The following ANO10 variants were observed in gnomAD, a reference collection of about 807,000 sequenced individuals.
ANO10 encodes anoctamin 10, also known as anoctamin-10.
Under a neutral mutation model 74.7 loss-of-function variants are expected in ANO10, and 77 were observed. That is an observed-to-expected ratio of 1.03 (90% CI 0.86 to 1.25). The LOEUF is 1.25. ANO10 is among the 50% of genes most tolerant of loss of function. The pLI is 0.00. For missense variants in ANO10, 721 were observed against 778.1 expected, an observed-to-expected ratio of 0.93 and a Z score of 0.87; for synonymous variants, 279 against 284.9, an observed-to-expected ratio of 0.98 and a Z score of 0.21.
At chr3:43,422,351 G>A (rs1010648796) in intron 12 of ANO10, among the ~76,000 whole-genome samples, 1 of 152,178 alleles carries the variant, frequency 6.6e-6, no homozygotes, top group Non-Finnish European at 1.5e-5. Context: ...TCCTGACCTT[G>A]TGGTCCGCCT....
At position 43,426,667 on chromosome 3, in the gene ANO10, T is replaced by C. The variant is rs555836343; in HGVS notation, c.1914+5944A>G. Among the ~76,000 whole-genome samples the C allele has an allele frequency of 9.8e-5, 15 of 152,288 alleles. No individual in the cohort carries two copies. The South Asian group carries it at 3.1e-3, about 32-fold the overall frequency. Reference sequence around the variant, plus strand: ...TTATCAAATGGTTCCTGCATTAGAATCCTTTCTATTTTTAATTGGATCTTA... The same window carrying C: ...TTATCAAATGGTTCCTGCATTAGAACCCTTTCTATTTTTAATTGGATCTTA... On this transcript the variant is annotated intron_variant, in intron 12 of 12. Transcript: ENST00000292246.
chr3:43,608,957 A>G (rs2082686574), intron 1 of ANO10, among the ~76,000 whole-genome samples: 2 of 152,142 alleles, frequency 1.3e-5, no homozygotes, highest in African/African-American at 4.8e-5. Flanking sequence ...TAGTGAACAG[A>G]CAGCTTTTGT....
intron 11 of ANO10, among the ~76,000 whole-genome samples, chr3:43,549,468 T>C (rs2079354708): frequency 6.6e-6 from 1 of 152,162 alleles, no homozygotes; most frequent in African/African-American, 2.4e-5. Flanking sequence ...TACTTAGCAC[T>C]GGGCAGGCCA....
intron 11 of ANO10, among the ~76,000 whole-genome samples, chr3:43,507,327 G>T (rs2077332907): frequency 6.6e-6 from 1 of 152,038 alleles, no homozygotes. Flanking sequence ...CTTCTTTACA[G>T]GAGGGAATAA....
intron 11 of ANO10, among the ~76,000 whole-genome samples, chr3:43,499,935 G>A (rs373547431): frequency 2.7e-4 from 41 of 151,864 alleles, no homozygotes; most frequent in Admixed American, 6.6e-4. Flanking sequence ...GGGTTCAAGC[G>A]ATTCTCCTGT....
At position 43,466,369 on chromosome 3, in the gene ANO10, C is replaced by CAAAA. The variant is rs36126977; in HGVS notation, c.1798-33646_1798-33643dup. Among the ~76,000 whole-genome samples, 421 of 45,010 alleles carry CAAAA rather than the reference C, an allele frequency of 9.4e-3. 2 individuals are homozygous for CAAAA. The highest frequency in any genetic ancestry group is 0.017 in the East Asian group (19 of 1,144). The allele number at this position is 45,010 out of a possible 152,430, so 29.5% of individuals were successfully genotyped here. On this transcript the variant is annotated intron_variant, in intron 11 of 12. Transcript: ENST00000292246. The stretch of plus-strand genomic sequence containing the variant: ...CTGGTGACAGAGCAAGACTCCATCT[C>CAAAA]AAAAAAAAAAAAAAAAAACAAACAA...
intron 11 of ANO10, among the ~76,000 whole-genome samples, chr3:43,530,384 GAGGTTATAT>G (rs2078405809): frequency 6.7e-6 from 1 of 150,100 alleles, no homozygotes. Context: ...TAACAGGATA[GAGGTTATAT>G]AGGTTATATA....
rs532361048 is a variant in ANO10 at position 43,434,603 on chromosome 3, A to C, written c.1798-1876T>G. Reference sequence around the variant, plus strand: ...TGGCCCCTTTCCATCTCTCCTAATAAATCTGTACCCATTTCCTCTTCCTCA... The same window carrying C: ...TGGCCCCTTTCCATCTCTCCTAATACATCTGTACCCATTTCCTCTTCCTCA... On this transcript the variant is annotated intron_variant, in intron 11 of 12. Transcript: ENST00000292246. Among the ~76,000 whole-genome samples, 68 of 152,328 alleles carry C rather than the reference A, an allele frequency of 4.5e-4. No homozygotes were observed. The South Asian group carries it at 9.3e-3, about 21-fold the overall frequency.
intron 4 of ANO10, among the ~76,000 whole-genome samples, chr3:43,592,793 T>C (rs980377698): frequency 6.6e-6 from 1 of 152,096 alleles, no homozygotes; most frequent in African/African-American, 2.4e-5. Context: ...AGATGGGTAA[T>C]AACGAACTTC....
Position 43,577,225 on chromosome 3 carries a change from A to G in ANO10, c.629T>C (p.Leu210Pro). Reference sequence around the variant, plus strand: ...GAAATACTCCAAAAATCCAAAGTACAGAGCAATTGTTTCCCCAAAGTAGCC... The same window carrying G: ...GAAATACTCCAAAAATCCAAAGTACGGAGCAATTGTTTCCCCAAAGTAGCC... ...IRGYFGETIA[L>P]YFGFLEYFTF... is the part of the protein sequence containing the mutation. The change falls in exon 6 of 13, where the codon CTG becomes CCG. Residue 210 changes from leucine to proline, a missense_variant. Transcript: ENST00000292246. The G allele has an allele frequency of 6.2e-7, 1 of 1,614,156 alleles. No homozygotes were observed. The highest frequency in any genetic ancestry group is 1.7e-5 in the Admixed American group (1 of 60,030).
intron 11 of ANO10, among the ~76,000 whole-genome samples, chr3:43,436,265 A>G (rs1283394157): frequency 6.6e-6 from 1 of 152,128 alleles, no homozygotes; most frequent in Admixed American, 6.6e-5. Context: ...CATTTTCATC[A>G]TTTTTTCTTG....
At chr3:43,668,184 G>C (rs2084014820) in intron 1 of ANO10, among the ~76,000 whole-genome samples, 1 of 152,006 alleles carries the variant, frequency 6.6e-6, no homozygotes, top group Admixed American at 6.6e-5. Flanking sequence ...CTGATGATGA[G>C]TGATGTTGAG....
At chr3:43,685,720 C>T (rs1402165227) in intron 1 of ANO10, among the ~76,000 whole-genome samples, 4 of 152,166 alleles carry the variant, frequency 2.6e-5, no homozygotes, top group Non-Finnish European at 4.4e-5. Context: ...TATTGATGAG[C>T]GAATTGATCA....
chr3:43,432,200 T>C (rs1323347968), intron 12 of ANO10, among the ~76,000 whole-genome samples: 1 of 151,714 alleles, frequency 6.6e-6, no homozygotes, highest in African/African-American at 2.4e-5. Flanking sequence ...ATTTTGCTGC[T>C]TCTACACACC....
At chr3:43,597,414 A>G (rs2082141284) in intron 4 of ANO10, among the ~76,000 whole-genome samples, 1 of 152,234 alleles carries the variant, frequency 6.6e-6, no homozygotes, top group South Asian at 2.1e-4. Context: ...CATATACACC[A>G]TGGAATACTA....
At chr3:43,691,088 C>A in intron 1 of ANO10, 2 of 1,498,738 alleles carry the variant, frequency 1.3e-6, no homozygotes, top group Non-Finnish European at 1.8e-6. Flanking sequence ...GCGCACCCTC[C>A]GCGCGGGCCG....
At chr3:43,610,105 A>G (rs1353809039) in intron 1 of ANO10, among the ~76,000 whole-genome samples, 2 of 152,068 alleles carry the variant, frequency 1.3e-5, no homozygotes, top group Admixed American at 6.5e-5. Flanking sequence ...TTTTATTTAT[A>G]TATTTATTCT....
intron 1 of ANO10, among the ~76,000 whole-genome samples, chr3:43,614,889 T>C (rs2083021640): frequency 6.7e-6 from 1 of 149,038 alleles, no homozygotes; most frequent in African/African-American, 2.5e-5. Context: ...GATTTTTATT[T>C]ATGCATTTAT....
chr3:43,530,435 A>T (rs2078409102), intron 11 of ANO10, among the ~76,000 whole-genome samples: 1 of 148,894 alleles, frequency 6.7e-6, no homozygotes, highest in Non-Finnish European at 1.5e-5. Flanking sequence ...CCTATATATT[A>T]TATATATTTT....
Sources: allele counts gnomAD v4.1 joint callset (sites outside exome capture counted in the v4.1 genomes callset), GRCh38; gene constraint gnomAD v4.1.1; transcripts MANE v1.5; gene names NCBI Gene and HGNC (gene_info 2026-07-23, HGNC 2026-07-21).